The following CHAF1A variants were observed in gnomAD, a reference collection of about 807,000 sequenced individuals.
CHAF1A encodes the protein chromatin assembly factor 1 subunit A.
In CHAF1A, 5 loss-of-function variants were observed where a neutral mutation model predicts 93.2. That is an observed-to-expected ratio of 0.05 (90% CI 0.03 to 0.11). The LOEUF (loss-of-function observed/expected upper bound fraction) is 0.11, where lower values mean the gene tolerates loss of function less well. Ranked by LOEUF, CHAF1A falls within the 10% of genes least tolerant of loss-of-function variation. CHAF1A has a pLI of 1.00. For synonymous variants in CHAF1A, 504 were observed against 510.3 expected, an observed-to-expected ratio of 0.99 and a Z score of 0.17; for missense variants, 1,102 against 1,259.9, an observed-to-expected ratio of 0.87 and a Z score of 1.90.
At chr19:4,446,069 C>T (rs762296904), downstream of CHAF1A, 3 of 1,612,202 alleles carry the variant, frequency 1.9e-6, no homozygotes, top group East Asian at 4.5e-5. Flanking sequence ...TCGTTCAAGG[C>T]CAGGTTCTCG....
At chr19:4,436,297 C>G (rs1020308954) in intron 13 of CHAF1A, among the ~76,000 whole-genome samples, 1 of 152,206 alleles carries the variant, frequency 6.6e-6, no homozygotes, top group African/African-American at 2.4e-5. Flanking sequence ...GAGGGGCCAT[C>G]ATAACATCCC....
Position 4,402,716 on chromosome 19 carries a change from G to C in CHAF1A, c.-47G>C, listed in dbSNP as rs905464728. On this transcript the variant is annotated 5_prime_UTR_variant, in exon 1 of 15. Transcript: ENST00000301280. The stretch of plus-strand genomic sequence containing the variant: ...GAAGAGCAGCGGCCGCCTGAGGGGA[G>C]CCCGCGCCTCCGCCGCCTGAGAGGA... 2.8e-5 allele frequency: 33 copies of C among 1,167,694 alleles called. No homozygotes were observed. The African/African-American group carries it at 5.3e-4, about 19-fold the overall frequency. 72.3% of individuals were successfully genotyped at this position (1,167,694 alleles called of 1,614,324 possible).
downstream of CHAF1A, chr19:4,446,013 A>G (rs763163672): frequency 5.1e-6 from 8 of 1,574,326 alleles, no homozygotes; most frequent in Admixed American, 5.4e-5. Context: ...CTGCAGAGGC[A>G]TCGGGTCAGC....
At chr19:4,417,965 T>C (rs1175582530) in intron 3 of CHAF1A, 55 bp from the exon 4 acceptor site, 5 of 1,313,662 alleles carry the variant, frequency 3.8e-6, no homozygotes, top group East Asian at 2.3e-5. Context: ...GTTTCTCTTT[T>C]TCTCGAAGCA....
chr19:4,429,916 T>C, intron 10 of CHAF1A, 128 bp downstream of exon 10: 1 of 805,540 alleles, frequency 1.2e-6, no homozygotes, highest in Non-Finnish European at 2.0e-6. Context: ...ACCTGCTGTG[T>C]GGTCTGAAAC....
At chr19:4,417,911 T>C in intron 3 of CHAF1A, 109 bp from the exon 4 acceptor site, 1 of 685,922 alleles carries the variant, frequency 1.5e-6, no homozygotes, top group Non-Finnish European at 2.6e-6. Context: ...GACCCTATTA[T>C]GACATTTTGG....
Position 4,443,236 on chromosome 19 carries a change from A to T in CHAF1A, c.*211A>T. ...ATATGAATCTGCCCTTTAATAAAGC[A>T]TTATTGAGATTGCTGGCCTATTGGG... On this transcript the variant is annotated 3_prime_UTR_variant, in exon 15 of 15. Transcript: ENST00000301280. 1.8e-6 allele frequency: 1 copy of T among 553,248 alleles called. No individual in the cohort carries two copies. Among genetic ancestry groups the T allele is most frequent in the Non-Finnish European group, 3.3e-6 (1 of 302,384 alleles). The allele number at this position is 553,248 out of a possible 1,614,324, so 34.3% of individuals were successfully genotyped here.
chr19:4,441,231 C>T (rs747626320), intron 13 of CHAF1A, among the ~76,000 whole-genome samples: 3 of 151,902 alleles, frequency 2.0e-5, no homozygotes, highest in Non-Finnish European at 4.4e-5. Context: ...GCAGGAGAAT[C>T]ACTTGAACCT....
rs768724164 is a variant in CHAF1A, at chr19:4,433,211, A to G, written c.2345A>G (p.His782Arg). ...SPRSPSTTYL[H>R]TPTPSEDAAI... ...CGGAGCCCCTCCACCACCTACCTGCACACCCCCACCCCCAGCGAGGATGCC... is the reference window on the plus strand; with the variant it reads ...CGGAGCCCCTCCACCACCTACCTGCGCACCCCCACCCCCAGCGAGGATGCC... The change falls in exon 13 of 15, where the codon CAC becomes CGC. Residue 782 changes from histidine to arginine, a missense_variant. Transcript: ENST00000301280. This position sits in a 1 kb window ranked among gnomAD's most constrained non-coding sequence, Gnocchi z 5.6. 2 of 1,613,910 alleles carry G rather than the reference A, an allele frequency of 1.2e-6. No individual in the cohort carries two copies. The highest frequency in any genetic ancestry group is 8.5e-7 in the Non-Finnish European group (1 of 1,179,918).
intron 11 of CHAF1A, among the ~76,000 whole-genome samples, chr19:4,431,348 T>C (rs985480895): frequency 6.6e-6 from 1 of 151,974 alleles, no homozygotes; most frequent in African/African-American, 2.4e-5. Flanking sequence ...AGGCTGGTCT[T>C]GAACTCCTGA....
In CHAF1A at chr19:4,428,680, G is replaced by A; in HGVS notation, c.1394G>A (p.Cys465Tyr). 1 of 1,614,072 alleles carries A rather than the reference G, an allele frequency of 6.2e-7. No individual in the cohort carries two copies. Among genetic ancestry groups the A allele is most frequent in the Non-Finnish European group, 8.5e-7 (1 of 1,179,942 alleles). The change falls in exon 8 of 15, where the codon TGT (cysteine) becomes TAT (tyrosine). Residue 465 changes from cysteine (C) to tyrosine (Y), a missense_variant. Physicochemically the swap from Cys to Tyr is radical, Grantham distance 194. This residue lies in a region of CHAF1A where 165 missense variants were observed against 243.9 expected (regional missense o/e 0.68). Coordinates refer to ENST00000301280, the MANE Select transcript of CHAF1A (RefSeq NM_005483.3). ...PQAPKTLAGSCGKFAPFEIKE... is the reference protein window; with the variant it reads ...PQAPKTLAGSYGKFAPFEIKE... ...TGATTTCAGACCCTGGCCGGCTCCTGTGGGAAGTTTGCCCCCTTTGAAATT... is the reference window on the plus strand; with the variant it reads ...TGATTTCAGACCCTGGCCGGCTCCTATGGGAAGTTTGCCCCCTTTGAAATT...
chr19:4,406,164 A>G (rs1325950142), intron 2 of CHAF1A, among the ~76,000 whole-genome samples: 2 of 152,084 alleles, frequency 1.3e-5, no homozygotes, highest in Non-Finnish European at 2.9e-5. Flanking sequence ...CTTATGCACG[A>G]TTGGTGTTTT....
intron 3 of CHAF1A, among the ~76,000 whole-genome samples, chr19:4,416,957 A>G (rs1219604128): frequency 6.6e-6 from 1 of 152,184 alleles, no homozygotes; most frequent in African/African-American, 2.4e-5. Flanking sequence ...AGTGGTGCAC[A>G]GGAAACCAGC....
downstream of CHAF1A, chr19:4,446,103 C>G: frequency 1.2e-6 from 2 of 1,612,770 alleles, no homozygotes; most frequent in Non-Finnish European, 1.7e-6. Flanking sequence ...TCTGCCCTCC[C>G]GAGGCCAGCA....
Position 4,428,826 on chromosome 19 carries a change from G to T in CHAF1A, c.1540G>T (p.Gly514Cys), listed in dbSNP as rs370070486. The T allele has an allele frequency of 9.3e-6, 15 of 1,613,924 alleles. No homozygotes were observed. The African/African-American group carries it at 2.0e-4, about 22-fold the overall frequency. The change falls in exon 8 of 15, where the codon GGC becomes TGC. Residue 514 changes from glycine to cysteine, a missense_variant. Transcript: ENST00000301280. ...GEFSFLKDLK[G>C]RQPLRSGPTH... Reference sequence around the variant, plus strand: ...GTTCTCCTTCTTGAAAGACCTCAAAGGCCGGCAGCCCCTGAGGTCCGGACC... The same window carrying T: ...GTTCTCCTTCTTGAAAGACCTCAAATGCCGGCAGCCCCTGAGGTCCGGACC...
downstream of CHAF1A, chr19:4,447,515 C>A (rs760327455): frequency 5.6e-6 from 9 of 1,611,728 alleles, no homozygotes; most frequent in Admixed American, 3.3e-5. Flanking sequence ...CCCCCACCCC[C>A]AGCCTGGGCC....
At position 4,433,525 on chromosome 19, in the gene CHAF1A, A is replaced by G. The variant is rs1158862966; in HGVS notation, c.2659A>G (p.Arg887Gly). 3.8e-6 allele frequency: 6 copies of G among 1,577,932 alleles called. No homozygotes were observed. Among genetic ancestry groups the G allele is most frequent in the Middle Eastern group, 1.7e-4 (1 of 5,922 alleles). The change falls in exon 13 of 15, where the codon AGG (arginine) becomes GGG (glycine). Residue 887 changes from arginine to glycine, a missense_variant. Around this residue, in one of 6 missense-constraint regions of CHAF1A, gnomAD observed 119 missense variants for 102.2 expected, o/e 1.16. Transcript: ENST00000301280. This position sits in a 1 kb window ranked among gnomAD's most constrained non-coding sequence, Gnocchi z 5.6. ...CATCACCCAATTCATGAAGAAGCGC[A>G]GGCACGACGGCCAGGTGAGGTGGGG... ...MCITQFMKKRRHDGQIGAEDM... is the reference protein window; with the variant it reads ...MCITQFMKKRGHDGQIGAEDM...
chr19:4,447,219 C>A (rs985128096), downstream of CHAF1A: 3 of 576,118 alleles, frequency 5.2e-6, no homozygotes, highest in Non-Finnish European at 9.3e-6. Context: ...GACCCCAGTC[C>A]CTGCCCTTTC....
At chr19:4,404,299 G>A (rs1973641715) in intron 1 of CHAF1A, among the ~76,000 whole-genome samples, 1 of 152,340 alleles carries the variant, frequency 6.6e-6, no homozygotes, top group Non-Finnish European at 1.5e-5. Context: ...TCTGGATTGG[G>A]AGTGTCCCGT....
Sources: allele counts gnomAD v4.1 joint callset (sites outside exome capture counted in the v4.1 genomes callset), GRCh38; gene constraint gnomAD v4.1.1; regional missense constraint gnomAD v4.1.1; non-coding constraint Gnocchi (gnomAD v3.1); transcripts MANE v1.5; gene names NCBI Gene and HGNC (gene_info 2026-07-23, HGNC 2026-07-21).